TAOK3: variants seen among roughly 807,000 people sequenced by gnomAD.
TAOK3 encodes serine/threonine-protein kinase TAO3.
A neutral mutation model predicts 120.4 loss-of-function variants in TAOK3; 40 were observed. The ratio of observed to expected loss-of-function variants is 0.33; its 90% CI spans 0.26 to 0.43. The LOEUF (loss-of-function observed/expected upper bound fraction) is 0.43, where lower values mean the gene tolerates loss of function less well. Ranked by LOEUF, TAOK3 falls within the 20% of genes least tolerant of loss-of-function variation. TAOK3 has a pLI of 1.00. For synonymous variants in TAOK3, 355 were observed against 387.5 expected (o/e 0.92, Z 0.99); for missense variants, 821 against 1,112.1 (o/e 0.74, Z 3.72).
intron 1 of TAOK3, among the ~76,000 whole-genome samples, chr12:118,307,229 C>T (rs544758705): frequency 3.3e-5 from 5 of 152,122 alleles, no homozygotes; most frequent in South Asian, 2.1e-4. Context: ...TCTTCCCCCC[C>T]CCATCTCTGG....
At chr12:118,324,638 A>G (rs1265452901) in intron 1 of TAOK3, among the ~76,000 whole-genome samples, 1 of 151,990 alleles carries the variant, frequency 6.6e-6, no homozygotes, top group Non-Finnish European at 1.5e-5. Flanking sequence ...CATGAGCGAG[A>G]ACATGCAAAA....
intron 2 of TAOK3, among the ~76,000 whole-genome samples, chr12:118,259,997 C>T (rs2041156044): frequency 6.6e-6 from 1 of 152,176 alleles, no homozygotes; most frequent in Admixed American, 6.5e-5. Flanking sequence ...GTGAATAGTA[C>T]TCATTCCCCC....
chr12:118,345,788 T>C (rs1302006874), intron 1 of TAOK3, among the ~76,000 whole-genome samples: 2 of 151,932 alleles, frequency 1.3e-5, no homozygotes, highest in Non-Finnish European at 1.5e-5. Flanking sequence ...AAGAGTTGTA[T>C]TGGGGACAGA....
chr12:118,214,189 G>A, intron 9 of TAOK3, 79 bp from the exon 10 acceptor site: 1 of 1,097,436 alleles, frequency 9.1e-7, no homozygotes, highest in Non-Finnish European at 1.3e-6. Flanking sequence ...TATGAGCAAA[G>A]CTTTGCGGCT....
At chr12:118,203,948 G>T (rs2038162610) in intron 11 of TAOK3, among the ~76,000 whole-genome samples, 1 of 152,078 alleles carries the variant, frequency 6.6e-6, no homozygotes, top group African/African-American at 2.4e-5. Flanking sequence ...AAGAGTTCAC[G>T]AAACACTGTT....
At position 118,219,276 on chromosome 12, in the gene TAOK3, G is replaced by A. The variant is rs757167773; in HGVS notation, c.644-5166C>T. Among the ~76,000 whole-genome samples, 6 of 151,924 alleles carry A rather than the reference G, an allele frequency of 3.9e-5. No individual in the cohort carries two copies. The East Asian group carries it at 7.8e-4, about 20-fold the overall frequency. On this transcript the variant is annotated intron_variant, in intron 9 of 20. Coordinates refer to ENST00000392533, the MANE Select transcript of TAOK3 (RefSeq NM_016281.4). ...CTTTTTGTGTATGTGTGTGTGTGTC[G>A]GGGTCTTGCTCTGTTGCCCAGGCTG...
chr12:118,312,506 C>T (rs1488700651), intron 1 of TAOK3, among the ~76,000 whole-genome samples: 2 of 152,032 alleles, frequency 1.3e-5, no homozygotes, highest in Non-Finnish European at 2.9e-5. Context: ...GGGAAGTAGA[C>T]GGTAGCAAGG....
At chr12:118,297,155 A>G (rs2042714167) in intron 1 of TAOK3, 1 of 152,192 alleles carries the variant, frequency 6.6e-6, no homozygotes, top group African/African-American at 2.4e-5. Flanking sequence ...GATCAAGGTA[A>G]AAGTTGCCCT....
At chr12:118,269,649 C>A (rs980748226) in intron 1 of TAOK3, among the ~76,000 whole-genome samples, 1 of 152,070 alleles carries the variant, frequency 6.6e-6, no homozygotes, top group African/African-American at 2.4e-5. Flanking sequence ...AGATTACAGG[C>A]GTGAGCCACT....
intron 16 of TAOK3, 45 bp downstream of exon 16, chr12:118,177,156 C>G: frequency 1.9e-6 from 3 of 1,596,184 alleles, no homozygotes; most frequent in Non-Finnish European, 1.7e-6. Flanking sequence ...TAAGTTCCAA[C>G]CATTCTAATG....
intron 1 of TAOK3, among the ~76,000 whole-genome samples, chr12:118,278,327 T>C (rs1400931606): frequency 6.6e-6 from 1 of 152,158 alleles, no homozygotes; most frequent in Non-Finnish European, 1.5e-5. Context: ...CTGGTGTCTG[T>C]GATTCCCTTC....
intron 1 of TAOK3, among the ~76,000 whole-genome samples, chr12:118,312,990 G>A (rs1023282476): frequency 9.2e-5 from 14 of 152,136 alleles, no homozygotes; most frequent in Non-Finnish European, 1.3e-4. Flanking sequence ...TTAAAATCTG[G>A]AGTGAAAATA....
intron 1 of TAOK3, among the ~76,000 whole-genome samples, chr12:118,275,629 T>G (rs901237864): frequency 3.9e-5 from 6 of 152,240 alleles, no homozygotes; most frequent in African/African-American, 1.4e-4. Flanking sequence ...TCATTTACTT[T>G]ACTCATTTAT....
At chr12:118,322,976 T>G (rs144119648) in intron 1 of TAOK3, among the ~76,000 whole-genome samples, 3,094 of 152,090 alleles carry the variant, frequency 0.02, 110 homozygotes, top group African/African-American at 0.071. Context: ...CCTCCCAAAG[T>G]GCTGGGATTA....
intron 1 of TAOK3, among the ~76,000 whole-genome samples, chr12:118,287,795 C>T (rs1352041395): frequency 6.6e-6 from 1 of 151,970 alleles, no homozygotes; most frequent in Non-Finnish European, 1.5e-5. Context: ...AGTAAAATTC[C>T]CAGCATTCTT....
chr12:118,344,290 A>G (rs1422760671), intron 1 of TAOK3, among the ~76,000 whole-genome samples: 1 of 151,386 alleles, frequency 6.6e-6, no homozygotes, highest in Non-Finnish European at 1.5e-5. Context: ...AGCATGTGTC[A>G]TAGTAAATAC....
intron 17 of TAOK3, among the ~76,000 whole-genome samples, chr12:118,163,977 G>A (rs2035402439): frequency 6.6e-6 from 1 of 151,920 alleles, no homozygotes; most frequent in Admixed American, 6.5e-5. Flanking sequence ...CTCTCAAAGT[G>A]GTAGGATTAC....
At chr12:118,228,983 G>A (rs778186289) in intron 9 of TAOK3, among the ~76,000 whole-genome samples, 2 of 152,090 alleles carry the variant, frequency 1.3e-5, no homozygotes, top group African/African-American at 4.8e-5. Flanking sequence ...GTGCAGTGGC[G>A]TGATCATGGC....
At chr12:118,257,470 T>C (rs2041038066) in intron 2 of TAOK3, among the ~76,000 whole-genome samples, 2 of 152,114 alleles carry the variant, frequency 1.3e-5, no homozygotes, top group Admixed American at 1.3e-4. Flanking sequence ...ATGTTATCAA[T>C]CATCTATATT....
Sources: gnomAD v4.1 joint callset for allele counts (sites outside exome capture counted in the v4.1 genomes callset) on GRCh38, gnomAD v4.1.1 for gene constraint, MANE v1.5 for transcripts, NCBI Gene and HGNC (gene_info 2026-07-23, HGNC 2026-07-21) for gene names.